ATP13A2: variants seen among roughly 807,000 people sequenced by gnomAD.
ATP13A2 encodes polyamine-transporting ATPase 13A2.
A neutral mutation model predicts 138.3 loss-of-function variants in ATP13A2; 83 were observed. The observed-to-expected ratio is 0.60, with a 90% confidence interval of 0.50 to 0.72. ATP13A2 has a LOEUF of 0.72. Among genes scored for constraint, ATP13A2 ranks in the 30% least tolerant of loss-of-function variants. The pLI, the probability that ATP13A2 is intolerant of heterozygous loss-of-function variation, is 0.00. For missense variants in ATP13A2, 1,402 were observed against 1,606.4 expected (o/e 0.87, Z 2.17); for synonymous variants, 663 against 699.0 (o/e 0.95, Z 0.81).
intron 8 of ATP13A2, among the ~76,000 whole-genome samples, chr1:17,001,360 G>A (rs1209497268): frequency 1.3e-5 from 2 of 151,630 alleles, no homozygotes; most frequent in African/African-American, 2.4e-5. Flanking sequence ...CCCAGGAGGT[G>A]GACATCGCAG....
chr1:16,996,121 G>A lies in ATP13A2; in HGVS notation c.1397C>T (p.Thr466Ile). The change falls in exon 15 of 29, where the codon ACC becomes ATC. Residue 466 changes from threonine to isoleucine, a missense_variant. By Grantham distance (89) the Thr-to-Ile change is moderately conservative. Transcript: ENST00000326735. ...EIVIRALDLV[T>I]VVVPPALPAA... is the part of the protein sequence containing the mutation. ...AGGCAGGGCAGGTGGCACCACCACGGTCACCAGGTCGAGAGCCCGGATTAC... is the reference window on the plus strand; with the variant it reads ...AGGCAGGGCAGGTGGCACCACCACGATCACCAGGTCGAGAGCCCGGATTAC... The A allele has an allele frequency of 6.2e-7, 1 of 1,614,116 alleles. No homozygotes were observed. Among genetic ancestry groups the A allele is most frequent in the Non-Finnish European group, 8.5e-7 (1 of 1,180,038 alleles).
Position 17,007,402 on chromosome 1 carries a change from G to C in ATP13A2, c.11-1624C>G, listed in dbSNP as rs532971451. Among the ~76,000 whole-genome samples the C allele has an allele frequency of 1.1e-4, 16 of 152,248 alleles. No homozygotes were observed. The East Asian group carries it at 3.1e-3, about 29-fold the overall frequency. On this transcript the variant is annotated intron_variant, in intron 1 of 28. Coordinates refer to ENST00000326735, the MANE Select transcript of ATP13A2 (RefSeq NM_022089.4). Reference sequence around the variant, plus strand: ...CTGGCTGGATCAACTCCTCAGGCCGGGGTAGGGATGGTGCTAGGCATCTGT... The same window carrying C: ...CTGGCTGGATCAACTCCTCAGGCCGCGGTAGGGATGGTGCTAGGCATCTGT...
At position 17,010,114 on chromosome 1, in the gene ATP13A2, G is replaced by A. The variant is rs551647809; in HGVS notation, c.10+1615C>T. 2.4e-3 allele frequency among the ~76,000 whole-genome samples: 199 copies of A among 82,372 alleles called. 1 individual carries two copies. Among genetic ancestry groups the A allele is most frequent in the African/African-American group, 9.0e-3 (182 of 20,198 alleles). The allele number at this position is 82,372 out of a possible 152,430, so 54.0% of individuals were successfully genotyped here. A position where few individuals can be genotyped will look rare whatever the true frequency, so the allele number is the denominator to read the frequency against. On this transcript the variant is annotated intron_variant, in intron 1 of 28. Transcript: ENST00000326735. ...CCCGTTCCCCCCTTCCCCCCTGCCC[G>A]TCTCCCAGGCTGGAGTGCAGTGGAG... is the stretch of plus-strand genomic sequence containing the variant.
rs752784549 is a variant in ATP13A2, at chr1:16,987,262, G to A, written c.2867C>T (p.Thr956Ile). 3.7e-6 allele frequency: 6 copies of A among 1,613,752 alleles called. No individual in the cohort carries two copies. Among genetic ancestry groups the A allele is most frequent in the Non-Finnish European group, 4.2e-6 (5 of 1,179,816 alleles). ...CAGGAACTGCAGGTCACCCAGGTTG[G>A]TGTTGATCTGCCACAGGGAAGGGAG... ...ISVLILYTIN[T>I]NLGDLQFLAI... The change falls in exon 26 of 29, where the codon ACC (threonine) becomes ATC (isoleucine). Residue 956 changes from threonine to isoleucine, a missense_variant. Physicochemically the swap from Thr to Ile is moderately conservative, Grantham distance 89. Transcript: ENST00000326735.
Position 16,996,504 on chromosome 1 carries a change from G to A in ATP13A2, c.1196-8C>T, listed in dbSNP as rs780145460. ...CTTTTGCCGTGCAGAACCCTGGGGAGGAGGCGGGGACCCCAAGGCAGGGAA... is the reference window on the plus strand; with the variant it reads ...CTTTTGCCGTGCAGAACCCTGGGGAAGAGGCGGGGACCCCAAGGCAGGGAA... On this transcript the variant is annotated splice_polypyrimidine_tract_variant and splice_region_variant and intron_variant, in intron 12 of 28. Transcript: ENST00000326735. The A allele has an allele frequency of 1.9e-6, 3 of 1,612,896 alleles. No homozygotes were observed. The highest frequency in any genetic ancestry group is 1.1e-5 in the South Asian group (1 of 91,066).
chr1:17,007,323 C>T (rs1175521839), intron 1 of ATP13A2, among the ~76,000 whole-genome samples: 1 of 152,140 alleles, frequency 6.6e-6, no homozygotes, highest in African/African-American at 2.4e-5. Context: ...CATCTACGGT[C>T]CCAGACCACC....
chr1:16,993,324 T>G (rs2100806140), intron 16 of ATP13A2, among the ~76,000 whole-genome samples: 1 of 152,112 alleles, frequency 6.6e-6, no homozygotes, highest in Non-Finnish European at 1.5e-5. Context: ...CAATTAATCC[T>G]CCCACCTCAG....
intron 11 of ATP13A2, among the ~76,000 whole-genome samples, chr1:16,997,414 C>CGGGG (rs1379881479): frequency 9.1e-4 from 51 of 56,320 alleles, no homozygotes; most frequent in East Asian, 4.8e-3. Flanking sequence ...CTGGAACCAG[C>CGGGG]GGGGGGGGGT....
At chr1:17,006,953 T>C (rs941768631) in intron 1 of ATP13A2, among the ~76,000 whole-genome samples, 1 of 152,130 alleles carries the variant, frequency 6.6e-6, no homozygotes, top group African/African-American at 2.4e-5. Flanking sequence ...TACAATGGCA[T>C]GATCTCGGCT....
chr1:16,987,725 A>AG (rs1011117455), intron 25 of ATP13A2, among the ~76,000 whole-genome samples: 5 of 152,008 alleles, frequency 3.3e-5, no homozygotes, highest in African/African-American at 1.2e-4. Flanking sequence ...AGAGCAGGGG[A>AG]GGGGAGAGCT....
In ATP13A2 at chr1:16,995,422, G is replaced by A. The variant is rs1431027020; in HGVS notation, c.1542+554C>T. On this transcript the variant is annotated intron_variant, in intron 15 of 28. Transcript: ENST00000326735. This position sits in a 1 kb window ranked among gnomAD's most constrained non-coding sequence, Gnocchi z 4.1. ...TGTTGGTCACTGCTGGGCCCCAAGG[G>A]TTGGGAGCAGCACGGGATGCACACT... The A allele has an allele frequency of 2.1e-5, 5 of 232,810 alleles. No homozygotes were observed. Among genetic ancestry groups the A allele is most frequent in the Non-Finnish European group, 3.4e-5 (4 of 116,840 alleles). The allele number at this position is 232,810 out of a possible 1,614,324, so 14.4% of individuals were successfully genotyped here.
At chr1:17,001,061 C>T (rs1446638725) in intron 8 of ATP13A2, among the ~76,000 whole-genome samples, 1 of 152,240 alleles carries the variant, frequency 6.6e-6, no homozygotes, top group African/African-American at 2.4e-5. Context: ...CCGGTACCAC[C>T]ATTAGCTCCA....
chr1:16,987,202 A>C lies in ATP13A2; in HGVS notation c.2927T>G (p.Val976Gly), dbSNP rs776148733. ...CGCTGGCCCCGTGCGGCTCATGAGC[A>C]CTGCCACTGTGGTGGTGATGACCAG... ...IDLVITTTVA[V>G]LMSRTGPALV... The change falls in exon 26 of 29, where the codon GTG becomes GGG. Residue 976 changes from valine to glycine, a missense_variant. Transcript: ENST00000326735. The C allele has an allele frequency of 3.5e-5, 56 of 1,613,686 alleles. No homozygotes were observed. Among genetic ancestry groups the C allele is most frequent in the Non-Finnish European group, 4.4e-5 (52 of 1,179,868 alleles).
chr1:17,006,016 TCTC>T (rs1312819207), intron 1 of ATP13A2, among the ~76,000 whole-genome samples: 1 of 152,008 alleles, frequency 6.6e-6, no homozygotes, highest in Middle Eastern at 3.2e-3. Flanking sequence ...GTGCCTGTAA[TCTC>T]AGCTACTCAG....
chr1:16,993,774 G>T lies in ATP13A2; in HGVS notation c.1604C>A (p.Ala535Glu). The change falls in exon 16 of 29, where the codon GCA becomes GAA. Residue 535 changes from alanine to glutamate, a missense_variant. Coordinates refer to ENST00000326735, the MANE Select transcript of ATP13A2 (RefSeq NM_022089.4). ...VMGVVPLKGQ[A>E]FLPLVPEPRR... ...AGGCTCTGGGACCAGGGGCAGGAAT[G>T]CCTGCCCCTTCAGGGGCACCACCCC... 1 of 1,587,844 alleles carries T rather than the reference G, an allele frequency of 6.3e-7. No homozygotes were observed. Among genetic ancestry groups the T allele is most frequent in the Non-Finnish European group, 8.6e-7 (1 of 1,167,980 alleles).
At chr1:16,988,919 C>A (rs187365490) in intron 23 of ATP13A2, among the ~76,000 whole-genome samples, 24 of 151,630 alleles carry the variant, frequency 1.6e-4, no homozygotes, top group African/African-American at 5.6e-4. Flanking sequence ...CAGGCATGAG[C>A]CACCGTGCCC....
chr1:16,992,662 T>C, intron 16 of ATP13A2, 81 bp from the exon 17 acceptor site: 1 of 1,419,504 alleles, frequency 7.0e-7, no homozygotes, highest in Non-Finnish European at 9.9e-7. Flanking sequence ...GAAGACTTCC[T>C]TCATGGGAGA....
chr1:17,000,005 G>T lies in ATP13A2; in HGVS notation c.1039+6C>A, dbSNP rs565724504. 1.2e-6 allele frequency: 2 copies of T among 1,602,238 alleles called. No homozygotes were observed. The highest frequency in any genetic ancestry group is 1.7e-6 in the Non-Finnish European group (2 of 1,173,490). On this transcript the variant is annotated splice_donor_region_variant and intron_variant, in intron 11 of 28. Transcript: ENST00000326735. ...GGAAGCTGCAGGCCAGGGGCTGGGG[G>T]CTCACCTGTCAGAGAGCTCTCATTC...
At chr1:17,008,196 G>A (rs1338874237) in intron 1 of ATP13A2, among the ~76,000 whole-genome samples, 2 of 152,012 alleles carry the variant, frequency 1.3e-5, no homozygotes, top group Non-Finnish European at 2.9e-5. Flanking sequence ...AGGCTGGAGT[G>A]CAGTGTTGCG....
Sources: gnomAD v4.1 joint callset for allele counts (sites outside exome capture counted in the v4.1 genomes callset) on GRCh38, gnomAD v4.1.1 for gene constraint, Gnocchi (gnomAD v3.1) non-coding constraint, MANE v1.5 for transcripts, NCBI Gene and HGNC (gene_info 2026-07-23, HGNC 2026-07-21) for gene names.